Variants in NLGN4X observed in about 807,000 individuals in gnomAD.
The protein encoded by NLGN4X is neuroligin-4, X-linked.
In NLGN4X, 3 loss-of-function variants were observed where a neutral mutation model predicts 40.3. That is an observed-to-expected ratio of 0.07 (90% CI 0.03 to 0.19). The LOEUF is 0.19. Ranked by LOEUF, NLGN4X falls within the 10% of genes least tolerant of loss-of-function variation. The pLI is 1.00. For synonymous variants in NLGN4X, 270 were observed against 306.8 expected, an observed-to-expected ratio of 0.88 and a Z score of 1.25; for missense variants, 382 against 708.3, an observed-to-expected ratio of 0.54 and a Z score of 5.23.
At chrX:6,205,805 G>C (rs1024976039) in intron 1 of NLGN4X, among the ~76,000 whole-genome samples, 1 of 112,085 alleles carries the variant, frequency 8.9e-6, no homozygotes, top group Non-Finnish European at 1.9e-5. Flanking sequence ...TGAGGATCTA[G>C]ATGTCTTGCA....
chrX:5,970,859 G>A (rs1337867741), intron 3 of NLGN4X, among the ~76,000 whole-genome samples: 2 of 111,502 alleles, frequency 1.8e-5, no homozygotes, highest in African/African-American at 6.5e-5. Context: ...ACAGGGAATT[G>A]GTACATTAAA....
chrX:6,099,677 A>T (rs751362150), intron 2 of NLGN4X, among the ~76,000 whole-genome samples: 1 of 112,791 alleles, frequency 8.9e-6, no homozygotes, highest in East Asian at 2.8e-4. Context: ...TGTATAAATC[A>T]GCATTAATTT....
At position 6,004,775 on chromosome X, in the gene NLGN4X, C is replaced by G. The variant is rs1158698127; in HGVS notation, c.625+24505G>C. 8.0e-5 allele frequency among the ~76,000 whole-genome samples: 9 copies of G among 111,830 alleles called. No individual in the cohort carries two copies. In the Admixed American group the frequency reaches 8.5e-4, roughly 11 times the overall value. On this transcript the variant is annotated intron_variant, in intron 3 of 5. Coordinates refer to ENST00000381095, the MANE Select transcript of NLGN4X (RefSeq NM_181332.3). ...ACCCTGTTTCCCCCATTCCCTGGGG[C>G]TTCAAGATCATTCACACAAAAGGCA... is the stretch of plus-strand genomic sequence containing the variant.
At chrX:6,106,344 G>C (rs2147511403) in intron 2 of NLGN4X, among the ~76,000 whole-genome samples, 1 of 111,813 alleles carries the variant, frequency 8.9e-6, no homozygotes, top group African/African-American at 3.3e-5. Flanking sequence ...CCCATTTACA[G>C]AGTGGTTTAA....
chrX:6,125,303 C>T (rs937195395), intron 2 of NLGN4X, among the ~76,000 whole-genome samples: 32 of 111,411 alleles, frequency 2.9e-4, no homozygotes, highest in Admixed American at 8.6e-4. Flanking sequence ...CAGAAATTAG[C>T]GAAACAGAGA....
chrX:6,137,750 T>C (rs1324962487), intron 2 of NLGN4X, among the ~76,000 whole-genome samples: 1 of 112,125 alleles, frequency 8.9e-6, no homozygotes, highest in Non-Finnish European at 1.9e-5. Context: ...TCCTAAGTCT[T>C]AGAATAAGCT....
intron 3 of NLGN4X, among the ~76,000 whole-genome samples, chrX:6,003,043 G>A (rs12013227): frequency 0.25 from 27,587 of 110,770 alleles, 3,040 homozygotes; most frequent in African/African-American, 0.42. Flanking sequence ...CAATTTGTTC[G>A]TGTGACCTGA....
At chrX:5,925,262 A>C (rs1047880653) in intron 3 of NLGN4X, among the ~76,000 whole-genome samples, 2 of 112,352 alleles carry the variant, frequency 1.8e-5, no homozygotes, top group African/African-American at 6.5e-5. Context: ...GTATAGGCAC[A>C]TGTATTTCAA....
intron 2 of NLGN4X, among the ~76,000 whole-genome samples, chrX:6,088,888 T>C (rs1189331666): frequency 8.9e-6 from 1 of 112,025 alleles, no homozygotes; most frequent in East Asian, 2.8e-4. Flanking sequence ...GGTTAAAGAC[T>C]TGGCATCCTT....
chrX:6,153,394 T>C (rs1490152551), intron 1 of NLGN4X, among the ~76,000 whole-genome samples: 1 of 111,945 alleles, frequency 8.9e-6, no homozygotes, highest in African/African-American at 3.2e-5. Context: ...ATTTAGGTGT[T>C]TGCTTCTATC....
chrX:6,063,294 G>GC (rs377409042), intron 2 of NLGN4X, among the ~76,000 whole-genome samples: 13 of 111,711 alleles, frequency 1.2e-4, no homozygotes, highest in African/African-American at 4.2e-4. Flanking sequence ...GGGCAACATA[G>GC]CAAGACCCAA....
chrX:6,108,734 G>A (rs1335488987), intron 2 of NLGN4X, among the ~76,000 whole-genome samples: 4 of 110,615 alleles, frequency 3.6e-5, no homozygotes, highest in Non-Finnish European at 7.6e-5. Context: ...AATTTTCCAT[G>A]CCATGCAAGG....
chrX:6,152,524 T>C (rs2040186772), intron 1 of NLGN4X, among the ~76,000 whole-genome samples: 1 of 111,932 alleles, frequency 8.9e-6, no homozygotes, highest in South Asian at 3.7e-4. Context: ...AGGAGAAAGA[T>C]GGAAGCATGC....
intron 3 of NLGN4X, among the ~76,000 whole-genome samples, chrX:6,007,829 C>T (rs2036142187): frequency 8.9e-6 from 1 of 111,848 alleles, no homozygotes; most frequent in African/African-American, 3.2e-5. Context: ...TTCAAGTTTG[C>T]TCTGAGATCA....
At chrX:6,123,481 C>A (rs1256384246) in intron 2 of NLGN4X, among the ~76,000 whole-genome samples, 1 of 111,161 alleles carries the variant, frequency 9.0e-6, no homozygotes, top group East Asian at 2.8e-4. Flanking sequence ...ATACAGGTAA[C>A]GACAAAAAAT....
At chrX:5,957,391 G>T (rs2034527913) in intron 3 of NLGN4X, among the ~76,000 whole-genome samples, 1 of 111,908 alleles carries the variant, frequency 8.9e-6, no homozygotes, top group Admixed American at 9.5e-5. Flanking sequence ...TTTCACATAA[G>T]CACGAATCAG....
intron 2 of NLGN4X, among the ~76,000 whole-genome samples, chrX:6,085,304 A>G (rs1254313821): frequency 9.0e-6 from 1 of 111,597 alleles, no homozygotes; most frequent in Non-Finnish European, 1.9e-5. Flanking sequence ...CAGAGTTTTC[A>G]GTATTCAGAG....
chrX:6,091,994 T>C (rs556486459), intron 2 of NLGN4X, among the ~76,000 whole-genome samples: 1 of 108,537 alleles, frequency 9.2e-6, no homozygotes, highest in South Asian at 4.2e-4. Context: ...TCTTCCTTTC[T>C]TTCTTCCCCC....
intron 3 of NLGN4X, among the ~76,000 whole-genome samples, chrX:5,957,331 G>A (rs2034525659): frequency 9.0e-6 from 1 of 111,485 alleles, no homozygotes; most frequent in African/African-American, 3.3e-5. Flanking sequence ...TAGCATCTGA[G>A]TTCCAGAAAA....
Sources: gnomAD v4.1 joint callset for allele counts (sites outside exome capture counted in the v4.1 genomes callset) on GRCh38, gnomAD v4.1.1 for gene constraint, MANE v1.5 for transcripts, NCBI Gene and HGNC (gene_info 2026-07-23, HGNC 2026-07-21) for gene names.